Variants in GRM1 observed in about 807,000 individuals in gnomAD.
GRM1 encodes glutamate metabotropic receptor 1.
Under a neutral mutation model 90.9 loss-of-function variants are expected in GRM1, and 33 were observed. The ratio of observed to expected loss-of-function variants is 0.36; its 90% CI spans 0.28 to 0.49. The LOEUF (loss-of-function observed/expected upper bound fraction) is 0.49, where lower values mean the gene tolerates loss of function less well. GRM1 is among the 20% of genes least tolerant of loss of function. GRM1 has a pLI of 0.99. For synonymous variants in GRM1, 700 were observed against 613.2 expected, an observed-to-expected ratio of 1.14 and a Z score of -2.09; for missense variants, 1,190 against 1,534.3, an observed-to-expected ratio of 0.78 and a Z score of 3.75.
intron 1 of GRM1, among the ~76,000 whole-genome samples, chr6:146,096,339 C>G (rs1466974476): frequency 6.6e-6 from 1 of 152,068 alleles, no homozygotes; most frequent in Non-Finnish European, 1.5e-5. Context: ...TTAGCTAGTT[C>G]AACTTAATTT....
chr6:146,418,892 A>G (rs2114651746), intron 7 of GRM1, among the ~76,000 whole-genome samples: 1 of 152,298 alleles, frequency 6.6e-6, no homozygotes, highest in South Asian at 2.1e-4. Context: ...TCGCATGAGA[A>G]ATTCTATGGT....
rs568032222 is a variant in GRM1, at chr6:146,434,332, T to C, written c.3121T>C (p.Phe1041Leu). Residue 1041 changes from phenylalanine (F) to leucine (L), a missense_variant, in exon 8 of 8, where the codon TTC becomes CTC. Phe to Leu is a conservative substitution (Grantham distance 22). Transcript: ENST00000282753. The stretch of plus-strand genomic sequence containing the variant: ...CCAGCTCCAGGGAGTGGTCAGCAAC[T>C]TCAGTACCGCGATCCCGGATTTTCA... ...MDQLQGVVSN[F>L]STAIPDFHAV... is the part of the protein sequence containing the mutation. 2 of 1,612,216 alleles carry C rather than the reference T, an allele frequency of 1.2e-6. No homozygotes were observed. Among genetic ancestry groups the C allele is most frequent in the East Asian group, 2.2e-5 (1 of 44,784 alleles).
At chr6:146,344,750 A>T (rs1202208070) in intron 3 of GRM1, among the ~76,000 whole-genome samples, 2 of 152,226 alleles carry the variant, frequency 1.3e-5, no homozygotes, top group African/African-American at 4.8e-5. Context: ...GTACCAACTA[A>T]TAGAAGAAAT....
intron 1 of GRM1, among the ~76,000 whole-genome samples, chr6:146,135,899 C>T (rs551734330): frequency 3.3e-4 from 50 of 152,014 alleles, no homozygotes; most frequent in African/African-American, 1.0e-3. Context: ...TTTTTATACC[C>T]ATTAACTATC....
intron 7 of GRM1, among the ~76,000 whole-genome samples, chr6:146,413,722 A>G (rs1205905137): frequency 6.6e-6 from 1 of 152,122 alleles, no homozygotes; most frequent in Non-Finnish European, 1.5e-5. Context: ...TCCCTTTTTA[A>G]ACTATCCTGC....
Position 146,433,993 on chromosome 6 carries a change from G to A in GRM1, c.2782G>A (p.Ala928Thr), listed in dbSNP as rs376583119. 2 of 1,613,994 alleles carry A rather than the reference G, an allele frequency of 1.2e-6. No individual in the cohort carries two copies. Among genetic ancestry groups the A allele is most frequent in the African/African-American group, 2.7e-5 (2 of 74,946 alleles). Residue 928 changes from alanine to threonine, a missense_variant, in exon 8 of 8, where the codon GCC (alanine) becomes ACC (threonine). Physicochemically the swap from Ala to Thr is moderately conservative, Grantham distance 58 (BLOSUM62 0). Around this residue, in one of 10 missense-constraint regions of GRM1, gnomAD observed 400 missense variants for 360.8 expected, o/e 1.11. Transcript: ENST00000282753. ...CAATGAGACGGCCTGCAACCAAACA[G>A]CCGTCATCAAGCCCCTCACTAAAAG... ...KTNETACNQT[A>T]VIKPLTKSYQ...
intron 3 of GRM1, among the ~76,000 whole-genome samples, chr6:146,322,604 A>G (rs899455235): frequency 2.0e-5 from 3 of 150,218 alleles, no homozygotes; most frequent in Non-Finnish European, 3.0e-5. Flanking sequence ...ATTTTATTTT[A>G]TTTTATTATT....
chr6:146,210,039 A>G (rs572194631), intron 2 of GRM1, among the ~76,000 whole-genome samples: 1 of 152,234 alleles, frequency 6.6e-6, no homozygotes, highest in South Asian at 2.1e-4. Context: ...AGGTAATGTT[A>G]TTTTTGAATG....
At chr6:146,038,647 A>G (rs1790980856) in intron 1 of GRM1, among the ~76,000 whole-genome samples, 1 of 151,956 alleles carries the variant, frequency 6.6e-6, no homozygotes, top group Admixed American at 6.6e-5. Context: ...TCAACTTCTC[A>G]TTCTCTCCCT....
At chr6:146,101,038 A>G (rs952710825) in intron 1 of GRM1, among the ~76,000 whole-genome samples, 1 of 152,152 alleles carries the variant, frequency 6.6e-6, no homozygotes, top group Non-Finnish European at 1.5e-5. Flanking sequence ...GGCTGTAGAG[A>G]GCTATGATTA....
chr6:146,158,985 T>C (rs1777613498), intron 1 of GRM1, among the ~76,000 whole-genome samples: 1 of 152,230 alleles, frequency 6.6e-6, no homozygotes, highest in African/African-American at 2.4e-5. Flanking sequence ...ACAGAGCTTC[T>C]CTTCATGCTC....
intron 2 of GRM1, among the ~76,000 whole-genome samples, chr6:146,202,922 G>A (rs1268845638): frequency 2.0e-5 from 3 of 152,236 alleles, no homozygotes; most frequent in Admixed American, 6.5e-5. Flanking sequence ...TTGGCCGGGC[G>A]CGGTGGCTCA....
chr6:146,136,835 T>C (rs899988589), intron 1 of GRM1, among the ~76,000 whole-genome samples: 1 of 151,380 alleles, frequency 6.6e-6, no homozygotes, highest in Non-Finnish European at 1.5e-5. Flanking sequence ...ATTGTTTTCT[T>C]TGTTGTACAG....
intron 2 of GRM1, among the ~76,000 whole-genome samples, chr6:146,197,887 ATGAG>A (rs1457792929): frequency 6.6e-6 from 1 of 152,256 alleles, no homozygotes; most frequent in African/African-American, 2.4e-5. Context: ...GTTAGAATAA[ATGAG>A]TAAGTTCTAG....
intron 7 of GRM1, among the ~76,000 whole-genome samples, chr6:146,418,152 A>G (rs1777853471): frequency 6.6e-6 from 1 of 152,120 alleles, no homozygotes; most frequent in South Asian, 2.1e-4. Flanking sequence ...GTACTGTGCC[A>G]AATTCTGTCA....
intron 1 of GRM1, among the ~76,000 whole-genome samples, chr6:146,126,579 A>G (rs1434883728): frequency 6.6e-6 from 1 of 152,166 alleles, no homozygotes; most frequent in African/African-American, 2.4e-5. Flanking sequence ...TCTATTACAG[A>G]CACATTTTTC....
intron 3 of GRM1, among the ~76,000 whole-genome samples, chr6:146,343,614 C>T (rs925234210): frequency 6.6e-6 from 1 of 151,438 alleles, no homozygotes; most frequent in Non-Finnish European, 1.5e-5. Flanking sequence ...TCTTGTGTCC[C>T]TTTGACATAT....
intron 2 of GRM1, among the ~76,000 whole-genome samples, chr6:146,212,454 G>T (rs1456031067): frequency 6.6e-6 from 1 of 152,106 alleles, no homozygotes; most frequent in Non-Finnish European, 1.5e-5. Flanking sequence ...ACGCGGGTTG[G>T]GTTTTCATCT....
chr6:146,271,905 G>A (rs988657827), intron 2 of GRM1, among the ~76,000 whole-genome samples: 1 of 152,184 alleles, frequency 6.6e-6, no homozygotes, highest in African/African-American at 2.4e-5. Flanking sequence ...GTAGTCTTAT[G>A]TTTTTCTAAC....
Sources: gnomAD v4.1 joint callset for allele counts (sites outside exome capture counted in the v4.1 genomes callset) on GRCh38, gnomAD v4.1.1 for gene constraint, gnomAD v4.1.1 regional missense constraint, MANE v1.5 for transcripts, NCBI Gene and HGNC (gene_info 2026-07-23, HGNC 2026-07-21) for gene names.